CCDC191: variants seen among roughly 807,000 people sequenced by gnomAD.
CCDC191 encodes the protein coiled-coil domain containing 191.
A neutral mutation model predicts 114.0 loss-of-function variants in CCDC191; 99 were observed. The observed-to-expected ratio is 0.87, with a 90% CI of 0.74 to 1.03. The LOEUF (loss-of-function observed/expected upper bound fraction) is 1.03. Among genes scored for constraint, CCDC191 ranks in the 50% least tolerant of loss-of-function variants. CCDC191 has a pLI of 0.00. For synonymous variants in CCDC191, 351 were observed against 376.0 expected (o/e 0.93, Z 0.77); for missense variants, 973 against 1,087.0 (o/e 0.90, Z 1.47).
intron 16 of CCDC191, among the ~76,000 whole-genome samples, chr3:113,966,384 C>T (rs751573864): frequency 1.3e-5 from 2 of 152,118 alleles, no homozygotes; most frequent in Non-Finnish European, 2.9e-5. Context: ...AGCCAGGTAC[C>T]GTCTGCCCCG....
chr3:114,027,204 A>G (rs995580837), intron 7 of CCDC191, among the ~76,000 whole-genome samples: 5 of 152,356 alleles, frequency 3.3e-5, no homozygotes, highest in South Asian at 2.1e-4. Flanking sequence ...AGATGCATCA[A>G]TAGTGCTGCA....
At chr3:113,976,336 G>A (rs1941345365) in intron 16 of CCDC191, among the ~76,000 whole-genome samples, 1 of 151,702 alleles carries the variant, frequency 6.6e-6, no homozygotes, top group East Asian at 1.9e-4. Context: ...TGGGGAGGAA[G>A]ACTGATGTAG....
chr3:113,998,823 T>G (rs1462900062), intron 13 of CCDC191, among the ~76,000 whole-genome samples: 1 of 152,230 alleles, frequency 6.6e-6, no homozygotes, highest in Non-Finnish European at 1.5e-5. Flanking sequence ...AACCACCATC[T>G]GTGGACTTAC....
At chr3:114,017,935 T>C (rs749913066) in intron 8 of CCDC191, among the ~76,000 whole-genome samples, 1 of 152,200 alleles carries the variant, frequency 6.6e-6, no homozygotes, top group Non-Finnish European at 1.5e-5. Flanking sequence ...AAACTTGAAC[T>C]TGTAAATAAT....
intron 16 of CCDC191, among the ~76,000 whole-genome samples, chr3:113,975,336 T>G (rs1478875368): frequency 1.3e-5 from 2 of 152,222 alleles, no homozygotes; most frequent in Non-Finnish European, 2.9e-5. Flanking sequence ...ATGTCTCTCC[T>G]TCCTTTCATC....
Position 113,978,998 on chromosome 3 carries a change from G to A in CCDC191, c.2320C>T (p.His774Tyr), listed in dbSNP as rs1366630008. ...TTCCTCTGCAGGAACAAAGAGTAAT[G>A]TTCTTCTGCCACCTGGACAATTTTT... ...SKQNIQVAEE[H>Y]YSLFLQRKYM... Residue 774 changes from histidine to tyrosine, a missense_variant, in exon 15 of 17, where the codon CAT becomes TAT. Transcript: ENST00000295878. 9 of 1,613,412 alleles carry A rather than the reference G, an allele frequency of 5.6e-6. No individual in the cohort carries two copies. The highest frequency in any genetic ancestry group is 7.6e-6 in the Non-Finnish European group (9 of 1,179,794).
chr3:114,007,743 A>G (rs1414698622), intron 9 of CCDC191, among the ~76,000 whole-genome samples: 2 of 152,140 alleles, frequency 1.3e-5, no homozygotes, highest in Non-Finnish European at 2.9e-5. Flanking sequence ...CCTATTAGCT[A>G]ACTGATAATT....
intron 8 of CCDC191, among the ~76,000 whole-genome samples, chr3:114,014,954 C>A (rs1450995369): frequency 1.3e-5 from 2 of 151,946 alleles, no homozygotes; most frequent in Admixed American, 6.6e-5. Flanking sequence ...AGGAGAGGAT[C>A]TAGTATACAG....
At chr3:113,996,570 A>C (rs1466456351) in intron 13 of CCDC191, among the ~76,000 whole-genome samples, 1 of 152,156 alleles carries the variant, frequency 6.6e-6, no homozygotes, top group South Asian at 2.1e-4. Flanking sequence ...ACTCATGCGC[A>C]TGTATATTTA....
At chr3:114,008,327 C>A (rs1327956628) in intron 9 of CCDC191, among the ~76,000 whole-genome samples, 1 of 151,530 alleles carries the variant, frequency 6.6e-6, no homozygotes, top group African/African-American at 2.4e-5. Flanking sequence ...GGGAAGGGAC[C>A]AAAATGTTAC....
At chr3:114,011,043 T>C (rs927470746) in intron 8 of CCDC191, 22 bp from the exon 9 acceptor site, 9 of 1,588,332 alleles carry the variant, frequency 5.7e-6, no homozygotes, top group Non-Finnish European at 7.7e-6. Context: ...AGCACTTCCA[T>C]TAAAATAAAG....
At position 114,005,752 on chromosome 3, in the gene CCDC191, G is replaced by T. The variant is rs1170179672; in HGVS notation, c.1624C>A (p.Gln542Lys). 1.2e-6 allele frequency: 2 copies of T among 1,614,006 alleles called. No homozygotes were observed. Among genetic ancestry groups the T allele is most frequent in the African/African-American group, 2.7e-5 (2 of 74,910 alleles). ...CCCAAGCAAAGCGGTTCTGCTTTCT[G>T]GCTGGTAGTTCTGAGTGTCTCGTTG... ...GSNETLRTTS[Q>K]KAEPLCLGHF... is the part of the protein sequence containing the mutation. Residue 542 changes from glutamine (Q) to lysine (K), a missense_variant, in exon 10 of 17, where the codon CAG (glutamine) becomes AAG (lysine). Coordinates refer to ENST00000295878, the MANE Select transcript of CCDC191 (RefSeq NM_020817.2).
At chr3:114,019,785 TCTGC>T (rs1367861805) in intron 7 of CCDC191, among the ~76,000 whole-genome samples, 3 of 152,220 alleles carry the variant, frequency 2.0e-5, no homozygotes, top group East Asian at 3.9e-4. Context: ...CTGCCTTCTT[TCTGC>T]CTAACTACAG....
intron 13 of CCDC191, among the ~76,000 whole-genome samples, chr3:113,986,918 T>C (rs2075380540): frequency 6.6e-6 from 1 of 152,144 alleles, no homozygotes; most frequent in Admixed American, 6.6e-5. Flanking sequence ...AAGCCAACCA[T>C]GCAGGCACCC....
intron 2 of CCDC191, among the ~76,000 whole-genome samples, chr3:114,049,766 T>C (rs2107761887): frequency 6.6e-6 from 1 of 152,340 alleles, no homozygotes; most frequent in East Asian, 1.9e-4. Context: ...GGACTATACA[T>C]AATCTCTATA....
At chr3:114,014,186 C>T (rs1392306646) in intron 8 of CCDC191, among the ~76,000 whole-genome samples, 1 of 152,122 alleles carries the variant, frequency 6.6e-6, no homozygotes, top group Non-Finnish European at 1.5e-5. Flanking sequence ...TTGGGATGAG[C>T]AGGTTTAGCT....
chr3:113,973,825 G>T (rs1295895660), intron 16 of CCDC191, among the ~76,000 whole-genome samples: 2 of 151,802 alleles, frequency 1.3e-5, no homozygotes, highest in African/African-American at 4.8e-5. Flanking sequence ...ATATGTCTTT[G>T]TCAAGTTTTG....
chr3:114,013,715 T>G (rs139305467), intron 8 of CCDC191, among the ~76,000 whole-genome samples: 47 of 152,274 alleles, frequency 3.1e-4, no homozygotes, highest in Non-Finnish European at 5.7e-4. Flanking sequence ...GCTCTGCTCA[T>G]CTAAGAATAT....
chr3:113,965,878 G>A (rs539144888), intron 16 of CCDC191, among the ~76,000 whole-genome samples: 1 of 152,146 alleles, frequency 6.6e-6, no homozygotes, highest in African/African-American at 2.4e-5. Context: ...TACAGGTGTG[G>A]GCCACTGTGC....
Sources: allele counts gnomAD v4.1 joint callset (sites outside exome capture counted in the v4.1 genomes callset), GRCh38; gene constraint gnomAD v4.1.1; transcripts MANE v1.5; gene names NCBI Gene and HGNC (gene_info 2026-07-23, HGNC 2026-07-21).